Variants in RAVER2 observed in about 807,000 individuals in gnomAD.
RAVER2 encodes ribonucleoprotein PTB-binding 2.
RAVER2 carries 46 observed loss-of-function variants against 78.1 expected under a neutral mutation model. The ratio of observed to expected loss-of-function variants is 0.59; its 90% CI spans 0.46 to 0.75. The LOEUF is 0.75. Ranked by LOEUF, RAVER2 falls within the 30% of genes least tolerant of loss-of-function variation. The pLI is 0.00. For synonymous variants in RAVER2, 311 were observed against 313.3 expected, an observed-to-expected ratio of 0.99 and a Z score of 0.08; for missense variants, 793 against 837.5, an observed-to-expected ratio of 0.95 and a Z score of 0.66.
rs576588134 is a variant in RAVER2 at position 64,764,343 on chromosome 1, A to T, written c.250-4313A>T. 7.2e-5 allele frequency among the ~76,000 whole-genome samples: 11 copies of T among 151,924 alleles called. No individual in the cohort carries two copies. The East Asian group carries it at 2.1e-3, about 29-fold the overall frequency. ...TGTCCTAATAGTTGATTACCCATAT[A>T]GGAAAAAAAAAAACTATTTTCCCAT... is the stretch of plus-strand genomic sequence containing the variant. On this transcript the variant is annotated intron_variant, in intron 1 of 11. Transcript: ENST00000294428.
At chr1:64,784,139 T>C (rs1193039773) in intron 4 of RAVER2, among the ~76,000 whole-genome samples, 1 of 152,198 alleles carries the variant, frequency 6.6e-6, no homozygotes, top group Non-Finnish European at 1.5e-5. Flanking sequence ...ATCCAAGCAC[T>C]TTGGGAGGCC....
chr1:64,808,145 A>G (rs1557602237), intron 9 of RAVER2, among the ~76,000 whole-genome samples: 1 of 152,142 alleles, frequency 6.6e-6, no homozygotes, highest in Non-Finnish European at 1.5e-5. Context: ...CTCTCTTTTA[A>G]TTCTGGAAGA....
At chr1:64,773,866 C>G (rs574853598) in intron 2 of RAVER2, among the ~76,000 whole-genome samples, 1 of 152,212 alleles carries the variant, frequency 6.6e-6, no homozygotes, top group South Asian at 2.1e-4. Flanking sequence ...TTTTAATGAT[C>G]GCCATTCTAA....
chr1:64,781,689 T>C, intron 4 of RAVER2, 118 bp downstream of exon 4: 2 of 996,336 alleles, frequency 2.0e-6, no homozygotes, highest in Non-Finnish European at 1.4e-6. Flanking sequence ...TGCATTTCCA[T>C]CACACTGAAG....
chr1:64,817,815 T>A (rs909316824), intron 11 of RAVER2, among the ~76,000 whole-genome samples: 3 of 151,574 alleles, frequency 2.0e-5, no homozygotes, highest in Non-Finnish European at 4.4e-5. Context: ...GACGAGCTAA[T>A]GGGTGCAGCA....
At position 64,831,085 on chromosome 1, in the gene RAVER2, G is replaced by A. The variant is rs183861354; in HGVS notation, c.*100G>A. The A allele has an allele frequency of 8.8e-6, 11 of 1,256,052 alleles. No individual in the cohort carries two copies. The Admixed American group carries it at 1.5e-4, about 17-fold the overall frequency. 77.8% of individuals were successfully genotyped at this position (1,256,052 alleles called of 1,614,324 possible). ...CAAACTAGCCATATCCTTTAAATAC[G>A]GGTTTATAGTTTCCCAGAAGGAACT... On this transcript the variant is annotated 3_prime_UTR_variant, in exon 12 of 12. Coordinates refer to ENST00000294428, the Ensembl canonical transcript of RAVER2.
chr1:64,802,767 G>C (rs1653303664), intron 5 of RAVER2, among the ~76,000 whole-genome samples: 1 of 152,130 alleles, frequency 6.6e-6, no homozygotes, highest in South Asian at 2.1e-4. Context: ...ATGGCAGAAG[G>C]CTTTTGAATT....
chr1:64,787,982 C>T (rs17389467), intron 4 of RAVER2, among the ~76,000 whole-genome samples: 7,606 of 152,114 alleles, frequency 0.05, 300 homozygotes, highest in Admixed American at 0.14. Flanking sequence ...TGTCCTTGTC[C>T]GTTCTCCATT....
chr1:64,796,820 G>GT (rs1259630703), intron 5 of RAVER2, among the ~76,000 whole-genome samples: 6 of 151,722 alleles, frequency 4.0e-5, no homozygotes, highest in Admixed American at 2.6e-4. Flanking sequence ...TCCTTTTCTG[G>GT]TTTTTTAAAG....
intron 1 of RAVER2, among the ~76,000 whole-genome samples, chr1:64,751,729 A>AT (rs1214226253): frequency 6.6e-6 from 1 of 152,048 alleles, no homozygotes; most frequent in Admixed American, 6.5e-5. Flanking sequence ...CCCAGCCTTG[A>AT]TTTTTTTAAA....
chr1:64,773,398 T>C (rs937942559), intron 2 of RAVER2, among the ~76,000 whole-genome samples: 14 of 152,094 alleles, frequency 9.2e-5, no homozygotes, highest in African/African-American at 3.1e-4. Flanking sequence ...TTTGTTCTCA[T>C]TGTTCAGCTC....
chr1:64,752,237 G>C (rs147834148), intron 1 of RAVER2, among the ~76,000 whole-genome samples: 1 of 152,196 alleles, frequency 6.6e-6, no homozygotes, highest in African/African-American at 2.4e-5. Context: ...AGCCACTAGT[G>C]GGGGATCAGA....
In RAVER2 at chr1:64,745,576, T is replaced by G. The variant is rs1570516206; in HGVS notation, c.249+155T>G. On this transcript the variant is annotated intron_variant, in intron 1 of 11. Transcript: ENST00000294428. This position sits in a 1 kb window ranked among gnomAD's most constrained non-coding sequence, Gnocchi z 4.3. Reference sequence around the variant, plus strand: ...CCTCGGTTTGACTGAGTTCTTGGGGTTTCTAGCCTGCAGACGCCCTGCCAG... The same window carrying G: ...CCTCGGTTTGACTGAGTTCTTGGGGGTTCTAGCCTGCAGACGCCCTGCCAG... Among the ~76,000 whole-genome samples the G allele has an allele frequency of 1.3e-5, 2 of 150,470 alleles. No individual in the cohort carries two copies. Among genetic ancestry groups the G allele is most frequent in the African/African-American group, 2.4e-5 (1 of 40,972 alleles).
chr1:64,778,817 C>T (rs1010774687), intron 3 of RAVER2, among the ~76,000 whole-genome samples: 29 of 149,384 alleles, frequency 1.9e-4, no homozygotes, highest in African/African-American at 6.3e-4. Flanking sequence ...TTTTACCGCA[C>T]TCCCTTCCCA....
chr1:64,765,494 CA>C (rs1479999139), intron 1 of RAVER2, among the ~76,000 whole-genome samples: 14 of 152,232 alleles, frequency 9.2e-5, no homozygotes, highest in African/African-American at 3.4e-4. Context: ...GTCTAAGAAT[CA>C]AGGCACAGAA....
chr1:64,828,212 T>C lies in RAVER2; in HGVS notation c.1930-2627T>C, dbSNP rs1229404264. On this transcript the variant is annotated intron_variant, in intron 11 of 11. Coordinates refer to ENST00000294428, the Ensembl canonical transcript of RAVER2. ...TCTGGAAAAAGCTTTAGCACTTCAC[T>C]TCTATTTCTCTTTTGTCAAAGTGAC... 6.4e-5 allele frequency among the ~76,000 whole-genome samples: 8 copies of C among 125,486 alleles called. No homozygotes were observed. The East Asian group carries it at 2.0e-3, about 31-fold the overall frequency. 82.3% of individuals were successfully genotyped at this position (125,486 alleles called of 152,430 possible).
At chr1:64,820,888 A>G (rs1009825741) in intron 11 of RAVER2, among the ~76,000 whole-genome samples, 2 of 152,172 alleles carry the variant, frequency 1.3e-5, no homozygotes, top group Non-Finnish European at 1.5e-5. Context: ...TGTATTTATG[A>G]TAGAATAATT....
At chr1:64,747,825 A>G (rs1651585761) in intron 1 of RAVER2, among the ~76,000 whole-genome samples, 1 of 152,060 alleles carries the variant, frequency 6.6e-6, no homozygotes, top group Non-Finnish European at 1.5e-5. Context: ...TCATTTCTTT[A>G]TTTTAGAATA....
At chr1:64,828,198 C>CT (rs1313051769) in intron 11 of RAVER2, among the ~76,000 whole-genome samples, 1 of 123,640 alleles carries the variant, frequency 8.1e-6, no homozygotes, top group Non-Finnish European at 1.6e-5. Context: ...CTGGAAAAAG[C>CT]TTTAGCACTT....
Sources: allele counts gnomAD v4.1 joint callset (sites outside exome capture counted in the v4.1 genomes callset), GRCh38; gene constraint gnomAD v4.1.1; non-coding constraint Gnocchi (gnomAD v3.1); transcripts MANE v1.5; gene names NCBI Gene and HGNC (gene_info 2026-07-23, HGNC 2026-07-21).